The following FBXO47 variants were observed in gnomAD, a reference collection of about 807,000 sequenced individuals.
FBXO47 encodes F-box protein 47.
FBXO47 carries 34 observed loss-of-function variants against 53.9 expected under a neutral mutation model. The observed-to-expected ratio is 0.63, with a 90% confidence interval of 0.48 to 0.84. FBXO47 has a LOEUF of 0.84. Ranked by LOEUF, FBXO47 falls within the 40% of genes least tolerant of loss-of-function variation. The pLI is 0.00. For missense variants in FBXO47, 485 were observed against 541.3 expected (o/e 0.90, Z 1.03); for synonymous variants, 165 against 181.6 (o/e 0.91, Z 0.73).
At chr17:38,963,480 C>T (rs1399110819) in intron 1 of FBXO47, among the ~76,000 whole-genome samples, 2 of 152,000 alleles carry the variant, frequency 1.3e-5, no homozygotes, top group Non-Finnish European at 1.5e-5. Flanking sequence ...CCTGGCCCCA[C>T]TTACTTTATT....
chr17:38,945,195 AT>A, intron 6 of FBXO47, 59 bp from the exon 7 acceptor site: 1 of 1,270,548 alleles, frequency 7.9e-7, no homozygotes, highest in Non-Finnish European at 1.1e-6. Context: ...TGCATATTGA[AT>A]AGTGATCAAA....
In FBXO47 at chr17:38,946,935, T is replaced by C. The variant is rs1271698594; in HGVS notation, c.617-1799A>G. On this transcript the variant is annotated intron_variant, in intron 6 of 10. Transcript: ENST00000378079. Reference sequence around the variant, plus strand: ...ATATAAACATATATAAACATATAAATATATATAAACATATATAAATATATA... The same window carrying C: ...ATATAAACATATATAAACATATAAACATATATAAACATATATAAATATATA... 9.1e-3 allele frequency among the ~76,000 whole-genome samples: 1,093 copies of C among 119,652 alleles called. 36 individuals are homozygous for C. The highest frequency in any genetic ancestry group is 0.037 in the African/African-American group (1,040 of 28,464). 78.5% of individuals were successfully genotyped at this position (119,652 alleles called of 152,430 possible).
chr17:38,955,993 G>C (rs1179852078), intron 4 of FBXO47, among the ~76,000 whole-genome samples: 1 of 141,404 alleles, frequency 7.1e-6, no homozygotes, highest in East Asian at 2.1e-4. Flanking sequence ...AAAATTAGCC[G>C]AGTGTGGTGG....
At chr17:38,948,115 G>A (rs915321752) in intron 6 of FBXO47, among the ~76,000 whole-genome samples, 2 of 150,468 alleles carry the variant, frequency 1.3e-5, no homozygotes, top group African/African-American at 4.9e-5. Flanking sequence ...TGTTCTTTTT[G>A]CTATCATCCT....
chr17:38,961,899 T>C lies in FBXO47; in HGVS notation c.330A>G (p.Ile110Met). 6.2e-7 allele frequency: 1 copy of C among 1,613,964 alleles called. No individual in the cohort carries two copies. The highest frequency in any genetic ancestry group is 1.3e-5 in the African/African-American group (1 of 75,054). Residue 110 changes from isoleucine (I) to methionine (M), a missense_variant, in exon 3 of 11, where the codon ATA becomes ATG. Ile to Met is a conservative substitution (Grantham distance 10, BLOSUM62 1). Coordinates refer to ENST00000378079, the MANE Select transcript of FBXO47 (RefSeq NM_001008777.3). ...TACCTAGAGATCTGTAGTGCTCCAGTATAGCAGAGTCTTGTCTCCTGTCAG... is the reference window on the plus strand; with the variant it reads ...TACCTAGAGATCTGTAGTGCTCCAGCATAGCAGAGTCTTGTCTCCTGTCAG... Reference protein sequence around the residue: ...ELPDRRQDSAILEHYRSLGLL... With the variant: ...ELPDRRQDSAMLEHYRSLGLL...
chr17:38,949,396 G>A (rs186234932), intron 6 of FBXO47, among the ~76,000 whole-genome samples: 1 of 152,048 alleles, frequency 6.6e-6, no homozygotes, highest in East Asian at 1.9e-4. Flanking sequence ...CTTCAGCCTG[G>A]GTGATAGAGC....
chr17:38,965,882 C>CA (rs35075482), intron 1 of FBXO47, among the ~76,000 whole-genome samples: 6,585 of 99,508 alleles, frequency 0.066, 191 homozygotes, highest in African/African-American at 0.087. Context: ...GAATCTGCCT[C>CA]AAAAAAAAAA....
Position 38,944,847 on chromosome 17 carries a change from C to CGTGTGTGTGTGTGT in FBXO47, c.793+112_793+113insACACACACACACAC, listed in dbSNP as rs1462853688. ...GATCGCACCACTGTGTGCGTGCATGCATGTGTGTGTGTGTGTGTGTGTGTA... is the reference window on the plus strand; with the variant it reads ...GATCGCACCACTGTGTGCGTGCATGCGTGTGTGTGTGTGTATGTGTGTGTGTGTGTGTGTGTGTA... On this transcript the variant is annotated intron_variant, in intron 7 of 10. Transcript: ENST00000378079. 5.7e-5 allele frequency: 23 copies of CGTGTGTGTGTGTGT among 400,488 alleles called. No individual in the cohort carries two copies. The African/African-American group carries it at 7.0e-4, about 12-fold the overall frequency. The allele number at this position is 400,488 out of a possible 1,614,324, so 24.8% of individuals were successfully genotyped here. A position where few individuals can be genotyped will look rare whatever the true frequency, so the allele number is the denominator to read the frequency against.
chr17:38,947,330 G>C (rs768156270), intron 6 of FBXO47, among the ~76,000 whole-genome samples: 2 of 151,680 alleles, frequency 1.3e-5, no homozygotes, highest in South Asian at 4.1e-4. Flanking sequence ...ATGTTATGTT[G>C]CTGTTGTTGA....
At chr17:38,959,552 TCTGGGCAACAGAGTGAGA>T (rs1882926613) in intron 3 of FBXO47, among the ~76,000 whole-genome samples, 1 of 134,620 alleles carries the variant, frequency 7.4e-6, no homozygotes, top group Non-Finnish European at 1.5e-5. Flanking sequence ...TGCACTCCAG[TCTGGGCAACAGAGTGAGA>T]CTCTGCCTCA....
In FBXO47 at chr17:38,938,623, G is replaced by C. The variant is rs1162294963; in HGVS notation, c.1193C>G (p.Ala398Gly). ...VERKNFLQNV[A>G]NAFACVIMEM... ...CATTATAACACATGCAAATGCATTT[G>C]CCACATTCTGCAGGAAGTTCTTTCT... Residue 398 changes from alanine (A) to glycine (G), a missense_variant, in exon 10 of 11, where the codon GCA becomes GGA. Coordinates refer to ENST00000378079, the MANE Select transcript of FBXO47 (RefSeq NM_001008777.3). 7 of 1,613,458 alleles carry C rather than the reference G, an allele frequency of 4.3e-6. No individual in the cohort carries two copies. The highest frequency in any genetic ancestry group is 5.9e-6 in the Non-Finnish European group (7 of 1,179,794).
intron 6 of FBXO47, among the ~76,000 whole-genome samples, chr17:38,946,183 T>A (rs1196967773): frequency 1.8e-5 from 2 of 114,006 alleles, no homozygotes; most frequent in Admixed American, 2.2e-4. Context: ...AAAATATATA[T>A]AAATATATAA....
At chr17:38,962,705 C>CTTTAAGTG in intron 2 of FBXO47, 140 bp downstream of exon 2, 1 of 416,036 alleles carries the variant, frequency 2.4e-6, no homozygotes, top group East Asian at 3.9e-5. Flanking sequence ...AATAATGAAA[C>CTTTAAGTG]TTTAGAAAAT....
chr17:38,941,157 T>A (rs754132969), intron 9 of FBXO47, among the ~76,000 whole-genome samples: 5 of 151,478 alleles, frequency 3.3e-5, no homozygotes, highest in Admixed American at 6.6e-5. Context: ...GGCTAATTTT[T>A]AAATTTTTTA....
chr17:38,953,432 C>G (rs1022102090), intron 5 of FBXO47, among the ~76,000 whole-genome samples: 2 of 152,060 alleles, frequency 1.3e-5, no homozygotes, highest in Non-Finnish European at 2.9e-5. Context: ...TGAGACCAGC[C>G]TGACCAACAT....
intron 7 of FBXO47, among the ~76,000 whole-genome samples, chr17:38,944,191 ATGTG>A (rs71141737): frequency 0.017 from 2,262 of 133,664 alleles, 21 homozygotes; most frequent in Non-Finnish European, 0.021. Context: ...CAAAAAAAAC[ATGTG>A]TGTGTGTGTG....
At chr17:38,950,092 C>T (rs898299204) in intron 6 of FBXO47, among the ~76,000 whole-genome samples, 1 of 152,128 alleles carries the variant, frequency 6.6e-6, no homozygotes. Context: ...TATATTTACA[C>T]TGTTGTTCAA....
chr17:38,945,195 A>C lies in FBXO47; in HGVS notation c.617-59T>G, dbSNP rs1904699821. ...GTAGAAAGGCTGCTGTGCATATTGA[A>C]TAGTGATCAAAGCAACTTATTAATC... On this transcript the variant is annotated intron_variant, in intron 6 of 10. Coordinates refer to ENST00000378079, the MANE Select transcript of FBXO47 (RefSeq NM_001008777.3). 1.1e-5 allele frequency: 14 copies of C among 1,270,430 alleles called. No individual in the cohort carries two copies. In the Admixed American group the frequency reaches 2.6e-4, roughly 23 times the overall value. 78.7% of individuals were successfully genotyped at this position (1,270,430 alleles called of 1,614,324 possible).
At chr17:38,964,172 G>C (rs951810587) in intron 1 of FBXO47, among the ~76,000 whole-genome samples, 22 of 152,060 alleles carry the variant, frequency 1.4e-4, no homozygotes, top group African/African-American at 5.1e-4. Context: ...GTTAATAATA[G>C]CTACTGGCCG....
Sources: gnomAD v4.1 joint callset for allele counts (sites outside exome capture counted in the v4.1 genomes callset) on GRCh38, gnomAD v4.1.1 for gene constraint, MANE v1.5 for transcripts, NCBI Gene and HGNC (gene_info 2026-07-23, HGNC 2026-07-21) for gene names.